The following NTRK3 variants were observed in gnomAD, a reference collection of about 807,000 sequenced individuals.
NTRK3 encodes the protein neurotrophic receptor tyrosine kinase 3, also known as NT-3 growth factor receptor.
Under a neutral mutation model 91.7 loss-of-function variants are expected in NTRK3, and 24 were observed. The observed-to-expected ratio is 0.26, with a 90% CI of 0.19 to 0.37. The LOEUF (loss-of-function observed/expected upper bound fraction) is 0.37, where lower values mean the gene tolerates loss of function less well. NTRK3 is among the 10% of genes least tolerant of loss of function. The probability of loss-of-function intolerance (pLI) is 1.00; values close to 1 mark genes in which losing one functional copy is unlikely to be tolerated. For missense variants in NTRK3, 880 were observed against 1,068.9 expected, an observed-to-expected ratio of 0.82 and a Z score of 2.46; for synonymous variants, 483 against 404.0, an observed-to-expected ratio of 1.20 and a Z score of -2.34.
intron 14 of NTRK3, among the ~76,000 whole-genome samples, chr15:87,967,602 A>G (rs189820884): frequency 2.6e-5 from 4 of 152,250 alleles, no homozygotes; most frequent in African/African-American, 7.2e-5. Context: ...CTCTCATCCC[A>G]TGCCATTCAT....
chr15:88,056,851 C>T (rs1431013808), intron 13 of NTRK3, among the ~76,000 whole-genome samples: 5 of 152,220 alleles, frequency 3.3e-5, no homozygotes, highest in Non-Finnish European at 5.9e-5. Flanking sequence ...AAGCAATAAT[C>T]TCATTCATAT....
chr15:87,978,860 C>G (rs2073950904), intron 14 of NTRK3: 1 of 256,784 alleles, frequency 3.9e-6, no homozygotes, highest in Non-Finnish European at 7.6e-6. Flanking sequence ...GTGACTCTTC[C>G]CCACTGGAGG....
intron 17 of NTRK3, among the ~76,000 whole-genome samples, chr15:87,893,627 G>A (rs1034683805): frequency 6.6e-6 from 1 of 152,190 alleles, no homozygotes; most frequent in Non-Finnish European, 1.5e-5. Flanking sequence ...ACTCAGCTAA[G>A]TTCTACAAGG....
intron 3 of NTRK3, among the ~76,000 whole-genome samples, chr15:88,221,985 G>A (rs2141590846): frequency 6.6e-6 from 1 of 152,318 alleles, no homozygotes; most frequent in African/African-American, 2.4e-5. Flanking sequence ...CATGCAACTG[G>A]AATCTCTTGG....
chr15:88,014,125 G>A (rs1202027123), intron 14 of NTRK3, among the ~76,000 whole-genome samples: 1 of 152,220 alleles, frequency 6.6e-6, no homozygotes, highest in Non-Finnish European at 1.5e-5. Context: ...TGATAAGGAT[G>A]CCTTCTGGGT....
intron 14 of NTRK3, among the ~76,000 whole-genome samples, chr15:87,984,105 G>C (rs965627943): frequency 1.3e-5 from 2 of 152,144 alleles, no homozygotes; most frequent in Non-Finnish European, 1.5e-5. Flanking sequence ...ATGAACGTGA[G>C]GTAGTAATGA....
At chr15:88,063,551 G>A (rs770380399) in intron 13 of NTRK3, among the ~76,000 whole-genome samples, 2 of 152,204 alleles carry the variant, frequency 1.3e-5, no homozygotes, top group Non-Finnish European at 2.9e-5. Context: ...AGAACTCTTA[G>A]CACTGTAGCT....
At chr15:88,197,217 G>A (rs973714405) in intron 3 of NTRK3, among the ~76,000 whole-genome samples, 1 of 150,436 alleles carries the variant, frequency 6.6e-6, no homozygotes, top group Admixed American at 6.7e-5. Flanking sequence ...TACTCAAAAG[G>A]CTCTGTGAGG....
chr15:87,879,216 A>G lies in NTRK3; in HGVS notation c.2292+1054T>C, dbSNP rs533230759. ...AGAGACAAACATAGCTTCCAAGAAG[A>G]AAGACACTCTGTTGAATATTCAAAT... On this transcript the variant is annotated intron_variant, in intron 18 of 18. Transcript: ENST00000394480. 2.3e-4 allele frequency among the ~76,000 whole-genome samples: 35 copies of G among 152,324 alleles called. 1 individual carries two copies. In the Middle Eastern group the frequency reaches 0.024, roughly 104 times the overall value.
chr15:88,045,095 G>A (rs1189441599), intron 13 of NTRK3, among the ~76,000 whole-genome samples: 1 of 152,184 alleles, frequency 6.6e-6, no homozygotes, highest in African/African-American at 2.4e-5. Flanking sequence ...TTGAGTCACA[G>A]TGTTGCCTCC....
intron 14 of NTRK3, among the ~76,000 whole-genome samples, chr15:87,976,560 C>T (rs1257405731): frequency 6.6e-6 from 1 of 152,206 alleles, no homozygotes; most frequent in Admixed American, 6.5e-5. Flanking sequence ...TACAGGGCCT[C>T]ACGGTGTCCT....
At chr15:88,010,115 C>A (rs913882467) in intron 14 of NTRK3, among the ~76,000 whole-genome samples, 2 of 152,220 alleles carry the variant, frequency 1.3e-5, no homozygotes, top group African/African-American at 4.8e-5. Context: ...GACCAGCCCC[C>A]TCTAGATCCC....
rs556923505 is a variant in NTRK3, at chr15:87,970,474, C to T, written c.1586-29721G>A. Among the ~76,000 whole-genome samples, 18 of 152,280 alleles carry T rather than the reference C, an allele frequency of 1.2e-4. No homozygotes were observed. The South Asian group carries it at 3.5e-3, about 30-fold the overall frequency. On this transcript the variant is annotated intron_variant, in intron 14 of 18. Coordinates refer to ENST00000394480, the Ensembl canonical transcript of NTRK3. Reference sequence around the variant, plus strand: ...GTGGGTGGTTGACGAACACATCCTGCTTGATTCTTCTTTAAAAGCTTCTGA... The same window carrying T: ...GTGGGTGGTTGACGAACACATCCTGTTTGATTCTTCTTTAAAAGCTTCTGA...
rs1254884094 is a variant in NTRK3 at position 88,256,186 on chromosome 15, G to A, written c.-15-18C>T. 2 of 1,264,780 alleles carry A rather than the reference G, an allele frequency of 1.6e-6. No individual in the cohort carries two copies. The highest frequency in any genetic ancestry group is 2.2e-6 in the Non-Finnish European group (2 of 909,714). 78.3% of individuals were successfully genotyped at this position (1,264,780 alleles called of 1,614,324 possible). ...CGCTGCTTCTAAAAAAGAGGAGGAG[G>A]AGAGGAGAGGGGGGTGGGGTGGGGG... is the stretch of plus-strand genomic sequence containing the variant. On this transcript the variant is annotated intron_variant, in intron 2 of 18. Coordinates refer to ENST00000394480, the Ensembl canonical transcript of NTRK3.
intron 13 of NTRK3, among the ~76,000 whole-genome samples, chr15:88,111,891 G>GT (rs58127562): frequency 6.1e-4 from 90 of 146,394 alleles, no homozygotes; most frequent in Non-Finnish European, 7.2e-4. Flanking sequence ...CTGGTTTCTG[G>GT]TTTTTTTTTT....
chr15:88,203,369 T>C (rs1262766012), intron 3 of NTRK3, among the ~76,000 whole-genome samples: 1 of 152,178 alleles, frequency 6.6e-6, no homozygotes, highest in Non-Finnish European at 1.5e-5. Context: ...ACCGCATGAC[T>C]CAGACCCCAA....
At chr15:87,929,371 C>T (rs1045874534) in exon 17 of NTRK3, 7 of 1,614,004 alleles carry the variant, frequency 4.3e-6, no homozygotes, top group African/African-American at 4.0e-5. Context: ...GGGAGAGCCC[C>T]AGCTCACCCT....
intron 17 of NTRK3, among the ~76,000 whole-genome samples, chr15:87,922,251 A>T (rs1164337825): frequency 1.3e-5 from 2 of 152,218 alleles, no homozygotes; most frequent in African/African-American, 4.8e-5. Context: ...GAAGGCAAGA[A>T]CTCACTGGTC....
intron 16 of NTRK3, 99 bp downstream of exon 16, chr15:87,932,913 A>G: frequency 8.5e-7 from 1 of 1,172,702 alleles, no homozygotes; most frequent in East Asian, 2.4e-5. Flanking sequence ...CCTGAGAGGA[A>G]AGTGTTTAGA....
Sources: allele counts gnomAD v4.1 joint callset (sites outside exome capture counted in the v4.1 genomes callset), GRCh38; gene constraint gnomAD v4.1.1; transcripts MANE v1.5; gene names NCBI Gene and HGNC (gene_info 2026-07-23, HGNC 2026-07-21).